Variants in WNK2 observed in about 807,000 individuals in gnomAD.
WNK2 encodes the protein WNK lysine deficient protein kinase 2, also known as serine/threonine-protein kinase WNK2.
WNK2 carries 67 observed loss-of-function variants against 192.1 expected under a neutral mutation model. That is an observed-to-expected ratio of 0.35 (90% CI 0.29 to 0.43). The LOEUF is 0.43. WNK2 is among the 20% of genes least tolerant of loss of function. The pLI is 1.00. For synonymous variants in WNK2, 1,439 were observed against 1,393.9 expected, an observed-to-expected ratio of 1.03 and a Z score of -0.72; for missense variants, 2,698 against 3,089.7, an observed-to-expected ratio of 0.87 and a Z score of 3.01.
At chr9:93,219,420 G>A (rs889171983) in intron 2 of WNK2, among the ~76,000 whole-genome samples, 1 of 152,254 alleles carries the variant, frequency 6.6e-6, no homozygotes, top group Non-Finnish European at 1.5e-5. Flanking sequence ...AGGGATACCT[G>A]CATCCAAAAG....
At chr9:93,274,515 C>CAAAAAAAGAAAAAAAAAAAAAAAAAAAA (rs1564146364) in intron 19 of WNK2, among the ~76,000 whole-genome samples, 1 of 118,400 alleles carries the variant, frequency 8.4e-6, no homozygotes, top group African/African-American at 3.4e-5. Flanking sequence ...CCGTCTCAAC[C>CAAAAAAAGAAAAAAAAAAAAAAAAAAAA]AAAAAAAAAA....
intron 16 of WNK2, among the ~76,000 whole-genome samples, chr9:93,265,403 A>G (rs1400668791): frequency 6.6e-6 from 1 of 152,184 alleles, no homozygotes; most frequent in Non-Finnish European, 1.5e-5. Flanking sequence ...GTCAGATACA[A>G]AGGCTGGGAA....
intron 16 of WNK2, among the ~76,000 whole-genome samples, chr9:93,265,838 G>A (rs1811920625): frequency 6.6e-6 from 1 of 152,228 alleles, no homozygotes; most frequent in South Asian, 2.1e-4. Flanking sequence ...GTCTTCTTGT[G>A]TGTCTCTGTG....
At chr9:93,238,803 G>T (rs1020284126) in intron 6 of WNK2, among the ~76,000 whole-genome samples, 2 of 152,140 alleles carry the variant, frequency 1.3e-5, no homozygotes, top group Non-Finnish European at 2.9e-5. Context: ...AAAATAGCAG[G>T]CCTGGAACCG....
Position 93,259,676 on chromosome 9 carries a change from A to C in WNK2, c.3066+62A>C, listed in dbSNP as rs1031341868. 8 of 1,422,566 alleles carry C rather than the reference A, an allele frequency of 5.6e-6. No individual in the cohort carries two copies. The Admixed American group carries it at 2.0e-4, about 36-fold the overall frequency. 88.1% of individuals were successfully genotyped at this position (1,422,566 alleles called of 1,614,324 possible). On this transcript the variant is annotated intron_variant, in intron 12 of 29. Coordinates refer to ENST00000427277, the MANE Select transcript of WNK2 (RefSeq NM_006648.4). This position sits in a 1 kb window ranked among gnomAD's most constrained non-coding sequence, Gnocchi z 4.8. ...GTCTGGGGACCCTCAGGACCCAGAGATGCAAAGGAGGACAGAGGCAGGCAA... is the reference window on the plus strand; with the variant it reads ...GTCTGGGGACCCTCAGGACCCAGAGCTGCAAAGGAGGACAGAGGCAGGCAA...
At chr9:93,297,141 C>G (rs1354375023) in intron 23 of WNK2, among the ~76,000 whole-genome samples, 1 of 147,154 alleles carries the variant, frequency 6.8e-6, no homozygotes, top group African/African-American at 2.5e-5. Context: ...CTCCCCTCGG[C>G]GTCATCCCCT....
chr9:93,291,745 C>T (rs919110033), intron 21 of WNK2, among the ~76,000 whole-genome samples: 6 of 152,236 alleles, frequency 3.9e-5, no homozygotes, highest in African/African-American at 1.2e-4. Context: ...TCTTTTGTCA[C>T]ATGAGGGTCT....
intron 19 of WNK2, among the ~76,000 whole-genome samples, chr9:93,272,740 A>AAC (rs1554724992): frequency 4.0e-5 from 6 of 149,836 alleles, no homozygotes; most frequent in Non-Finnish European, 8.9e-5. Flanking sequence ...CTCCGTCTCA[A>AAC]AAAAAAAAAA....
intron 19 of WNK2, among the ~76,000 whole-genome samples, chr9:93,273,857 T>C (rs909518357): frequency 6.6e-6 from 1 of 152,138 alleles, no homozygotes; most frequent in Non-Finnish European, 1.5e-5. Flanking sequence ...TAATTTACAG[T>C]AAGAGAAAAA....
At position 93,229,419 on chromosome 9, in the gene WNK2, T is replaced by C. The variant is rs1838357632; in HGVS notation, c.682-277T>C. On this transcript the variant is annotated intron_variant, in intron 2 of 29. Transcript: ENST00000427277. The surrounding 1 kb of genome is among the most constrained non-coding windows in gnomAD (Gnocchi z 4.9). ...CTCAGAGGTGTATTTTTGGAAAAAG[T>C]GCTCAAGTGTGGCCGTGTGGATTTG... 6.6e-6 allele frequency among the ~76,000 whole-genome samples: 1 copy of C among 152,208 alleles called. No individual in the cohort carries two copies. The highest frequency in any genetic ancestry group is 6.5e-5 in the Admixed American group (1 of 15,286).
At chr9:93,252,391 G>A (rs1007296430) in intron 8 of WNK2, among the ~76,000 whole-genome samples, 3 of 152,264 alleles carry the variant, frequency 2.0e-5, no homozygotes, top group African/African-American at 7.2e-5. Context: ...CCTCTCTGCG[G>A]GTGTTGAGGG....
chr9:93,299,172 AGACCCAGCAGCCCTGCTCC>A lies in WNK2; in HGVS notation c.6028_6046del (p.Thr2010SerfsTer13). ...ACGGGCCTGAGCGGGAAGGCAGTGC[AGACCCAGCAGCCCTGCTCC>A]GTCCGGGCCTCCCTGTCTTCGGACA... On this transcript the variant is annotated frameshift_variant, in exon 25 of 30. Coordinates refer to ENST00000427277, the MANE Select transcript of WNK2 (RefSeq NM_006648.4). LOFTEE classifies it high-confidence loss of function. 6.2e-7 allele frequency: 1 copy of A among 1,610,628 alleles called. No individual in the cohort carries two copies. The highest frequency in any genetic ancestry group is 8.5e-7 in the Non-Finnish European group (1 of 1,178,314).
intron 5 of WNK2, among the ~76,000 whole-genome samples, chr9:93,237,101 C>T (rs963906713): frequency 1.3e-5 from 2 of 152,190 alleles, no homozygotes; most frequent in African/African-American, 4.8e-5. Context: ...GACCAGGCTC[C>T]TGGCTTCAAG....
chr9:93,216,086 A>C (rs17594889), intron 2 of WNK2, among the ~76,000 whole-genome samples: 17,446 of 152,108 alleles, frequency 0.11, 1,180 homozygotes, highest in Middle Eastern at 0.15. Context: ...TTTTATCCAG[A>C]CTTCTAGTAT....
intron 2 of WNK2, among the ~76,000 whole-genome samples, chr9:93,202,102 G>A (rs1832476675): frequency 6.6e-6 from 1 of 152,218 alleles, no homozygotes; most frequent in African/African-American, 2.4e-5. Context: ...TGGCCTCCAG[G>A]TAGGCTTGGG....
At position 93,261,985 on chromosome 9, in the gene WNK2, G is replaced by A. The variant is rs34758729; in HGVS notation, c.3238G>A (p.Val1080Met). ...PSSLATVSAS[V>M]QSVPTQTATL... ...CTCCCTGGCCACGGTGTCTGCCTCT[G>A]TGCAGAGTGTGCCCACCCAGACTGC... Residue 1080 changes from valine to methionine, a missense_variant, in exon 13 of 30, where the codon GTG becomes ATG. Val to Met is a conservative substitution (Grantham distance 21). Transcript: ENST00000427277. The A allele has an allele frequency of 2.0e-5, 32 of 1,611,724 alleles. No homozygotes were observed. The East Asian group carries it at 6.2e-4, about 31-fold the overall frequency.
intron 19 of WNK2, among the ~76,000 whole-genome samples, chr9:93,272,304 G>GT (rs1420539620): frequency 6.6e-6 from 1 of 152,168 alleles, no homozygotes; most frequent in Non-Finnish European, 1.5e-5. Flanking sequence ...TTCCACCAGT[G>GT]TGGCAAATGG....
intron 26 of WNK2, among the ~76,000 whole-genome samples, chr9:93,301,345 G>GTCC (rs1851583536): frequency 6.6e-6 from 1 of 152,210 alleles, no homozygotes; most frequent in South Asian, 2.1e-4. Context: ...TGTGGGAGGC[G>GTCC]TCCACTGCCA....
chr9:93,292,757 C>G lies in WNK2; in HGVS notation c.5292C>G (p.Ser1764Arg). ...AGTGGACCCTGGCCTCCCCCCACAG[C>G]CTGAGATACTCTGCCCCACCCGACG... is the stretch of plus-strand genomic sequence containing the variant. Reference protein sequence around the residue: ...QDEWTLASPHSLRYSAPPDVY... With the variant: ...QDEWTLASPHRLRYSAPPDVY... Residue 1764 changes from serine to arginine, a missense_variant, in exon 23 of 30, where the codon AGC becomes AGG. By Grantham distance (110) the Ser-to-Arg change is moderately radical. Around this residue, in one of 7 missense-constraint regions of WNK2, gnomAD observed 1,098 missense variants for 1,101.0 expected, o/e 1.00. Coordinates refer to ENST00000427277, the MANE Select transcript of WNK2 (RefSeq NM_006648.4). 1 of 1,563,426 alleles carries G rather than the reference C, an allele frequency of 6.4e-7. No individual in the cohort carries two copies. Among genetic ancestry groups the G allele is most frequent in the South Asian group, 1.2e-5 (1 of 84,596 alleles).
Sources: gnomAD v4.1 joint callset for allele counts (sites outside exome capture counted in the v4.1 genomes callset) on GRCh38, gnomAD v4.1.1 for gene constraint, gnomAD v4.1.1 regional missense constraint, Gnocchi (gnomAD v3.1) non-coding constraint, MANE v1.5 for transcripts, NCBI Gene and HGNC (gene_info 2026-07-23, HGNC 2026-07-21) for gene names.